ABTB2: variants seen among roughly 807,000 people sequenced by gnomAD.
ABTB2 encodes ankyrin repeat and BTB/POZ domain-containing protein 2.
In ABTB2, 56 loss-of-function variants were observed where a neutral mutation model predicts 104.1. The ratio of observed to expected loss-of-function variants is 0.54; its 90% CI spans 0.43 to 0.67. The LOEUF (loss-of-function observed/expected upper bound fraction) is 0.67, where lower values mean the gene tolerates loss of function less well. Among genes scored for constraint, ABTB2 ranks in the 30% least tolerant of loss-of-function variants. The probability of loss-of-function intolerance (pLI) is 0.00; values close to 1 mark genes in which losing one functional copy is unlikely to be tolerated. For missense variants in ABTB2, 1,279 were observed against 1,407.7 expected, an observed-to-expected ratio of 0.91 and a Z score of 1.46; for synonymous variants, 606 against 608.2, an observed-to-expected ratio of 1.00 and a Z score of 0.05.
chr11:34,290,122 T>C (rs1394470988), intron 1 of ABTB2, among the ~76,000 whole-genome samples: 1 of 152,202 alleles, frequency 6.6e-6, no homozygotes, highest in African/African-American at 2.4e-5. Context: ...TTAGGATGGA[T>C]TTTGGATGTG....
chr11:34,199,009 T>A (rs1853302562), intron 2 of ABTB2, among the ~76,000 whole-genome samples: 1 of 152,228 alleles, frequency 6.6e-6, no homozygotes, highest in African/African-American at 2.4e-5. Context: ...TTTACTCAAT[T>A]AACCTTCATG....
At chr11:34,268,503 C>A (rs7945420) in intron 1 of ABTB2, among the ~76,000 whole-genome samples, 1 of 152,294 alleles carries the variant, frequency 6.6e-6, no homozygotes, top group African/African-American at 2.4e-5. Flanking sequence ...AAACCTCAGG[C>A]AGTCATTGGA....
intron 1 of ABTB2, among the ~76,000 whole-genome samples, chr11:34,259,647 C>A (rs1854165131): frequency 1.3e-5 from 2 of 152,186 alleles, no homozygotes; most frequent in Admixed American, 1.3e-4. Context: ...ATCTGGCCTG[C>A]AGCCTTAAAG....
At chr11:34,214,948 T>C (rs1853532333) in intron 1 of ABTB2, among the ~76,000 whole-genome samples, 1 of 152,104 alleles carries the variant, frequency 6.6e-6, no homozygotes, top group Non-Finnish European at 1.5e-5. Flanking sequence ...GAGAACCCAT[T>C]CTAAATTGCT....
intron 1 of ABTB2, among the ~76,000 whole-genome samples, chr11:34,336,456 CAT>C (rs1398756786): frequency 1.3e-5 from 2 of 152,088 alleles, no homozygotes; most frequent in Non-Finnish European, 2.9e-5. Context: ...GCCTGGCCAA[CAT>C]AGTGAGATCT....
chr11:34,213,134 G>C (rs1195706429), intron 1 of ABTB2, among the ~76,000 whole-genome samples: 2 of 152,176 alleles, frequency 1.3e-5, no homozygotes, highest in African/African-American at 4.8e-5. Flanking sequence ...AATTCTCAGA[G>C]GGGCTCCAGC....
At chr11:34,316,795 T>C (rs4755368) in intron 1 of ABTB2, among the ~76,000 whole-genome samples, 10,902 of 152,272 alleles carry the variant, frequency 0.072, 553 homozygotes, top group Middle Eastern at 0.12. Flanking sequence ...CCTGTCCTAA[T>C]TGACTACATT....
At chr11:34,181,565 G>A (rs971524955) in intron 3 of ABTB2, among the ~76,000 whole-genome samples, 1 of 152,220 alleles carries the variant, frequency 6.6e-6, no homozygotes, top group Non-Finnish European at 1.5e-5. Flanking sequence ...CCCAGGAGGA[G>A]CTGAATACAA....
Position 34,195,085 on chromosome 11 carries a change from G to C in ABTB2, c.1244+2240C>G, listed in dbSNP as rs936249213. Among the ~76,000 whole-genome samples the C allele has an allele frequency of 6.4e-5, 5 of 77,598 alleles. 1 individual carries two copies. The East Asian group carries it at 1.2e-3, about 19-fold the overall frequency. The allele number at this position is 77,598 out of a possible 152,430, so 50.9% of individuals were successfully genotyped here. A position where few individuals can be genotyped will look rare whatever the true frequency, so the allele number is the denominator to read the frequency against. On this transcript the variant is annotated intron_variant, in intron 3 of 16. Transcript: ENST00000435224. ...GACAAAGATGCCCGGCGGGGGGGGG[G>C]AGTGGGGGCGGGAGAAAGTGCCAGC...
At chr11:34,197,179 T>A in intron 3 of ABTB2, 146 bp downstream of exon 3, 2 of 896,678 alleles carry the variant, frequency 2.2e-6, no homozygotes, top group African/African-American at 1.6e-5. Context: ...CCATCGGAAT[T>A]CCTGGGCCAC....
At chr11:34,196,756 C>CAACCACT (rs1853261382) in intron 3 of ABTB2, among the ~76,000 whole-genome samples, 1 of 152,192 alleles carries the variant, frequency 6.6e-6, no homozygotes, top group African/African-American at 2.4e-5. Flanking sequence ...AGGGGCTATT[C>CAACCACT]AACCACTAAC....
chr11:34,349,717 G>A (rs1855375923), intron 1 of ABTB2, among the ~76,000 whole-genome samples: 1 of 152,176 alleles, frequency 6.6e-6, no homozygotes, highest in African/African-American at 2.4e-5. Flanking sequence ...GCTCCCCAGG[G>A]AACATCTGGA....
At chr11:34,348,395 C>T (rs188259570) in intron 1 of ABTB2, among the ~76,000 whole-genome samples, 27 of 152,308 alleles carry the variant, frequency 1.8e-4, no homozygotes, top group Non-Finnish European at 1.5e-5. Flanking sequence ...TGTGTTATCT[C>T]CACTGTTCCT....
chr11:34,248,882 G>A (rs1276650401), intron 1 of ABTB2, among the ~76,000 whole-genome samples: 1 of 152,236 alleles, frequency 6.6e-6, no homozygotes, highest in African/African-American at 2.4e-5. Flanking sequence ...TGTAATCCCA[G>A]CACTTTGGGA....
chr11:34,221,405 T>G (rs1218796325), intron 1 of ABTB2, among the ~76,000 whole-genome samples: 1 of 152,234 alleles, frequency 6.6e-6, no homozygotes, highest in Admixed American at 6.5e-5. Flanking sequence ...AGCTGGAATT[T>G]CAACACAGGA....
In ABTB2 at chr11:34,152,539, GGAA is replaced by G; in HGVS notation, c.2923_2925del (p.Phe975del). ...TCCAGTAGGGCCTTCATGTGCTTGA[GGAA>G]GAAGCCCTCACAGAACAGGGCCAGT... On this transcript the variant is annotated inframe_deletion, in exon 17 of 17. Transcript: ENST00000435224. 1 of 1,612,822 alleles carries G rather than the reference GGAA, an allele frequency of 6.2e-7. No individual in the cohort carries two copies. The highest frequency in any genetic ancestry group is 8.5e-7 in the Non-Finnish European group (1 of 1,179,780).
In ABTB2 at chr11:34,357,794, C is replaced by T. The variant is rs1182174879; in HGVS notation, c.-211G>A. On this transcript the variant is annotated 5_prime_UTR_variant, in exon 1 of 17. Coordinates refer to ENST00000435224, the MANE Select transcript of ABTB2 (RefSeq NM_145804.3). ...CAGGAGCCCCACGCTCCCGGCGTCC[C>T]GACTCGCAGCTGCCACTGGAAAGAA... The T allele has an allele frequency of 3.8e-6, 2 of 532,866 alleles. No homozygotes were observed. The highest frequency in any genetic ancestry group is 3.5e-5 in the Admixed American group (1 of 28,292). 33.0% of individuals were successfully genotyped at this position (532,866 alleles called of 1,614,324 possible).
At chr11:34,351,392 C>T (rs1482613578) in intron 1 of ABTB2, among the ~76,000 whole-genome samples, 2 of 150,062 alleles carry the variant, frequency 1.3e-5, no homozygotes, top group Non-Finnish European at 2.9e-5. Flanking sequence ...CTGTACCAGA[C>T]GTCTGTTGTG....
At chr11:34,281,960 TA>T (rs1328240049) in intron 1 of ABTB2, among the ~76,000 whole-genome samples, 2 of 152,242 alleles carry the variant, frequency 1.3e-5, no homozygotes, top group African/African-American at 4.8e-5. Context: ...ATGGATTACA[TA>T]AGTCCATTAT....
Sources: allele counts gnomAD v4.1 joint callset (sites outside exome capture counted in the v4.1 genomes callset), GRCh38; gene constraint gnomAD v4.1.1; transcripts MANE v1.5; gene names NCBI Gene and HGNC (gene_info 2026-07-23, HGNC 2026-07-21).